RSF1: variants seen among roughly 807,000 people sequenced by gnomAD.
The protein encoded by RSF1 is remodeling and spacing factor 1.
RSF1 carries 13 observed loss-of-function variants against 145.2 expected under a neutral mutation model. The observed-to-expected ratio is 0.09, with a 90% CI of 0.06 to 0.14. RSF1 has a LOEUF of 0.14. Among genes scored for constraint, RSF1 ranks in the 10% least tolerant of loss-of-function variants. The pLI, the probability that RSF1 is intolerant of heterozygous loss-of-function variation, is 1.00. For missense variants in RSF1, 1,517 were observed against 1,718.2 expected, an observed-to-expected ratio of 0.88 and a Z score of 2.07; for synonymous variants, 577 against 592.6, an observed-to-expected ratio of 0.97 and a Z score of 0.38.
At position 77,672,233 on chromosome 11, in the gene RSF1, A is replaced by G; in HGVS notation, c.3563-3T>C. The G allele has an allele frequency of 6.3e-7, 1 of 1,579,776 alleles. No homozygotes were observed. On this transcript the variant is annotated splice_region_variant and splice_polypyrimidine_tract_variant and intron_variant, in intron 14 of 15. Coordinates refer to ENST00000308488, the MANE Select transcript of RSF1 (RefSeq NM_016578.4). The stretch of plus-strand genomic sequence containing the variant: ...AAAATCATCACTGAAGTCACTTTCT[A>G]TTTTAAAAAAAGGAAGAACAAAGTA...
At chr11:77,813,541 T>C (rs985675494) in intron 1 of RSF1, 15 of 730,680 alleles carry the variant, frequency 2.1e-5, no homozygotes, top group Admixed American at 3.6e-5. Context: ...TGGAGATTCT[T>C]TGCCTCTGCT....
At chr11:77,796,664 T>C (rs1473460528) in intron 1 of RSF1, among the ~76,000 whole-genome samples, 1 of 152,136 alleles carries the variant, frequency 6.6e-6, no homozygotes, top group Admixed American at 6.5e-5. Context: ...GCTAGGGCAA[T>C]CAGGCAACAG....
chr11:77,820,697 T>TGCCGCC lies in RSF1; in HGVS notation c.12_17dup (p.Ala8_Ala9dup), dbSNP rs1380065504. 2 of 1,549,920 alleles carry TGCCGCC rather than the reference T, an allele frequency of 1.3e-6. No homozygotes were observed. The highest frequency in any genetic ancestry group is 1.4e-5 in the African/African-American group (1 of 73,032). ...CCGGAGGAGCCATCACCGCCGCCGCTGCCGCCGCCGTCGCCATTTTGAACT... is the reference window on the plus strand; with the variant it reads ...CCGGAGGAGCCATCACCGCCGCCGCTGCCGCCGCCGCCGCCGTCGCCATTTTGAACT... On this transcript the variant is annotated inframe_insertion, in exon 1 of 16. Coordinates refer to ENST00000308488, the MANE Select transcript of RSF1 (RefSeq NM_016578.4).
intron 4 of RSF1, among the ~76,000 whole-genome samples, chr11:77,735,326 A>G (rs1200496448): frequency 6.6e-6 from 1 of 152,122 alleles, no homozygotes; most frequent in Admixed American, 6.5e-5. Flanking sequence ...ATGGTATGAA[A>G]TTTTCAGTAG....
chr11:77,779,658 AC>A (rs1397557709), intron 1 of RSF1, among the ~76,000 whole-genome samples: 4 of 152,150 alleles, frequency 2.6e-5, no homozygotes, highest in African/African-American at 9.7e-5. Context: ...GGTGTGAACC[AC>A]CACACCTGGC....
At chr11:77,779,922 TG>T (rs1362215890) in intron 1 of RSF1, among the ~76,000 whole-genome samples, 2 of 152,212 alleles carry the variant, frequency 1.3e-5, no homozygotes, top group African/African-American at 2.4e-5. Context: ...GGGCTTAGCA[TG>T]TACAGTTCCC....
intron 4 of RSF1, among the ~76,000 whole-genome samples, chr11:77,730,329 T>G (rs1335878923): frequency 6.6e-6 from 1 of 152,194 alleles, no homozygotes; most frequent in Non-Finnish European, 1.5e-5. Context: ...TATTTCAAAT[T>G]CAACTTTCTG....
intron 2 of RSF1, chr11:77,764,340 A>G (rs1948204659): frequency 2.9e-6 from 1 of 346,928 alleles, no homozygotes; most frequent in Admixed American, 4.9e-5. Flanking sequence ...TTAAATGAGA[A>G]AAGACATGAA....
intron 14 of RSF1, among the ~76,000 whole-genome samples, chr11:77,674,774 C>G (rs1959647553): frequency 1.3e-5 from 2 of 152,152 alleles, no homozygotes; most frequent in South Asian, 4.1e-4. Context: ...CTGAGGTGGG[C>G]AGATCACCTG....
rs180748415 is a variant in RSF1, at chr11:77,813,602, C to T, written c.187+6926G>A. ...TTTCCAGGGATTTTATGTTGCGGCT[C>T]GTTAGAGTGATTCAATTTCGGTGAA... On this transcript the variant is annotated intron_variant, in intron 1 of 15. Transcript: ENST00000308488. The T allele has an allele frequency of 2.0e-3, 1,275 of 645,076 alleles. 5 individuals carry two copies. The highest frequency in any genetic ancestry group is 3.7e-3 in the Middle Eastern group (8 of 2,156). 40.0% of individuals were successfully genotyped at this position (645,076 alleles called of 1,614,324 possible).
the RSF1 span, among the ~76,000 whole-genome samples, chr11:77,833,669 C>T: frequency 6.6e-6 from 1 of 152,158 alleles, no homozygotes; most frequent in East Asian, 1.9e-4. Context: ...ATCACTATTC[C>T]CACTAATATC....
intron 2 of RSF1, among the ~76,000 whole-genome samples, chr11:77,749,584 A>T (rs1948038962): frequency 6.6e-6 from 1 of 152,206 alleles, no homozygotes; most frequent in African/African-American, 2.4e-5. Flanking sequence ...CAAAAACAAC[A>T]ACTACTGATT....
rs1003525417 is a variant in RSF1 at position 77,734,959 on chromosome 11, C to A, written c.578+5772G>T. ...GGCACAGAGCTCTAGGTTGATCTGG[C>A]GGTTGATGGCGGCCTCTGAGTCCTG... On this transcript the variant is annotated intron_variant, in intron 4 of 15. Coordinates refer to ENST00000308488, the MANE Select transcript of RSF1 (RefSeq NM_016578.4). The A allele has an allele frequency of 4.3e-5, 68 of 1,596,392 alleles. No homozygotes were observed. In the Middle Eastern group the frequency reaches 5.0e-4, roughly 12 times the overall value.
intron 1 of RSF1, among the ~76,000 whole-genome samples, chr11:77,771,150 G>C (rs1011764219): frequency 6.6e-6 from 1 of 152,190 alleles, no homozygotes; most frequent in Non-Finnish European, 1.5e-5. Flanking sequence ...AGAATGACGT[G>C]ACAGTACTTA....
intron 3 of RSF1, among the ~76,000 whole-genome samples, chr11:77,742,196 T>A (rs1047272333): frequency 6.6e-6 from 1 of 152,178 alleles, no homozygotes; most frequent in African/African-American, 2.4e-5. Flanking sequence ...GTAGTTCTAT[T>A]TTGAATTTTT....
rs186091378 is a variant in RSF1 at position 77,791,258 on chromosome 11, C to T, written c.188-26569G>A. Among the ~76,000 whole-genome samples, 240 of 152,328 alleles carry T rather than the reference C, an allele frequency of 1.6e-3. 2 individuals are homozygous for T. Among genetic ancestry groups the T allele is most frequent in the Non-Finnish European group, 2.7e-3 (185 of 68,026 alleles). The stretch of plus-strand genomic sequence containing the variant: ...AGTTGCCAAGGCTTGAGGCTTCCAC[C>T]CTCTGAAGCAACAGCCCAAGCTGTA... On this transcript the variant is annotated intron_variant, in intron 1 of 15. Transcript: ENST00000308488.
the RSF1 span, among the ~76,000 whole-genome samples, chr11:77,867,583 G>A: frequency 2.6e-5 from 4 of 152,210 alleles, no homozygotes; most frequent in African/African-American, 4.8e-5. Flanking sequence ...ATGAATGAAA[G>A]GATAGAGGTA....
At chr11:77,694,970 C>T (rs910339114) in intron 7 of RSF1, among the ~76,000 whole-genome samples, 1 of 152,128 alleles carries the variant, frequency 6.6e-6, no homozygotes, top group African/African-American at 2.4e-5. Context: ...AGGGGAAATG[C>T]CCTGCTCACT....
At chr11:77,831,531 C>A in the RSF1 span, among the ~76,000 whole-genome samples, 3 of 152,090 alleles carry the variant, frequency 2.0e-5, no homozygotes, top group Admixed American at 1.3e-4. Flanking sequence ...TATCTGCAAG[C>A]ACATGATGTG....
Sources: gnomAD v4.1 joint callset for allele counts (sites outside exome capture counted in the v4.1 genomes callset) on GRCh38, gnomAD v4.1.1 for gene constraint, MANE v1.5 for transcripts, NCBI Gene and HGNC (gene_info 2026-07-23, HGNC 2026-07-21) for gene names.